The following FHOD3 variants were observed in gnomAD, a reference collection of about 807,000 sequenced individuals.
The protein encoded by FHOD3 is FH1/FH2 domain-containing protein 3.
In FHOD3, 90 loss-of-function variants were observed where a neutral mutation model predicts 173.0. That is an observed-to-expected ratio of 0.52 (90% confidence interval 0.44 to 0.62). The LOEUF is 0.62. FHOD3 is among the 20% of genes least tolerant of loss of function. The probability of loss-of-function intolerance (pLI) is 0.00; values close to 1 mark genes in which losing one functional copy is unlikely to be tolerated. For synonymous variants in FHOD3, 828 were observed against 823.0 expected, an observed-to-expected ratio of 1.01 and a Z score of -0.10; for missense variants, 1,945 against 2,034.7, an observed-to-expected ratio of 0.96 and a Z score of 0.85.
rs2032739010 is a variant in FHOD3, at chr18:36,612,087, A to G, written c.949A>G (p.Ile317Val). The stretch of plus-strand genomic sequence containing the variant: ...CCTGGACTTAGTGGAGCAACTCAAC[A>G]TTTATGAGGTACCAGACCATGCCTT... ...TDLDLVEQLN[I>V]YEVALRHEDG... is the part of the protein sequence containing the mutation. The change falls in exon 9 of 29, where the codon ATT (isoleucine) becomes GTT (valine). Residue 317 changes from isoleucine (I) to valine (V), a missense_variant. Ile to Val is a conservative substitution (Grantham distance 29, BLOSUM62 3). This residue lies in a region of FHOD3 where 1,099 missense variants were observed against 1,051.2 expected (regional missense o/e 1.05). Transcript: ENST00000590592. 8 of 1,613,814 alleles carry G rather than the reference A, an allele frequency of 5.0e-6. No individual in the cohort carries two copies. The highest frequency in any genetic ancestry group is 4.2e-6 in the Non-Finnish European group (5 of 1,179,900).
rs537390184 is a variant in FHOD3, at chr18:36,486,412, G to A, written c.338-15520G>A. Among the ~76,000 whole-genome samples the A allele has an allele frequency of 1.8e-3, 274 of 152,266 alleles. 1 individual carries two copies. The highest frequency in any genetic ancestry group is 6.5e-3 in the African/African-American group (271 of 41,536). On this transcript the variant is annotated intron_variant, in intron 3 of 28. Transcript: ENST00000590592. ...GGGTCTTGCTCTGTCTCCCAGCCTG[G>A]AGTGCAGTAGCACGATTATAGCTTA...
At chr18:36,375,627 G>T (rs1382330712) in intron 3 of FHOD3, among the ~76,000 whole-genome samples, 1 of 152,220 alleles carries the variant, frequency 6.6e-6, no homozygotes, top group African/African-American at 2.4e-5. Flanking sequence ...TGTTAACTTT[G>T]GAATCCAGCA....
At position 36,431,446 on chromosome 18, in the gene FHOD3, A is replaced by C. The variant is rs185411726; in HGVS notation, c.337+58702A>C. On this transcript the variant is annotated intron_variant, in intron 3 of 28. Transcript: ENST00000590592. ...TGTGCAAGCCTGTTTCCATCGGTCA[A>C]GTCTGTCCTGAGGAAGGAGCAGGCC... Among the ~76,000 whole-genome samples the C allele has an allele frequency of 3.7e-3, 558 of 152,328 alleles. 1 individual carries two copies. The highest frequency in any genetic ancestry group is 6.3e-3 in the Non-Finnish European group (428 of 68,030).
intron 1 of FHOD3, among the ~76,000 whole-genome samples, chr18:36,327,535 C>T (rs1393629311): frequency 6.6e-6 from 1 of 152,232 alleles, no homozygotes; most frequent in Non-Finnish European, 1.5e-5. Context: ...TTTCTCACTT[C>T]ACTGATAAAG....
intron 1 of FHOD3, among the ~76,000 whole-genome samples, chr18:36,333,337 C>A (rs1275088201): frequency 6.6e-6 from 1 of 152,166 alleles, no homozygotes; most frequent in Non-Finnish European, 1.5e-5. Context: ...ACTTGACCTG[C>A]CGACATGGAG....
In FHOD3 at chr18:36,305,540, A is replaced by G. The variant is rs568487151; in HGVS notation, c.165+7540A>G. ...CATGCACTGATTTTTATAGCAGAGA[A>G]TGAAATGCCAGAGCTGTAACCAGAG... is the stretch of plus-strand genomic sequence containing the variant. On this transcript the variant is annotated intron_variant, in intron 1 of 28. Transcript: ENST00000590592. Among the ~76,000 whole-genome samples the G allele has an allele frequency of 6.6e-5, 10 of 152,342 alleles. No individual in the cohort carries two copies. The South Asian group carries it at 2.1e-3, about 32-fold the overall frequency.
At chr18:36,776,578 A>G (rs929852870) in intron 28 of FHOD3, among the ~76,000 whole-genome samples, 93 of 152,176 alleles carry the variant, frequency 6.1e-4, no homozygotes, top group African/African-American at 1.9e-3. Flanking sequence ...TATCTAAGAG[A>G]ATTTTTTTCA....
intron 2 of FHOD3, among the ~76,000 whole-genome samples, chr18:36,370,484 C>T (rs1177205950): frequency 7.2e-5 from 11 of 152,044 alleles, no homozygotes; most frequent in Admixed American, 7.2e-4. Context: ...CCTGGAATCC[C>T]AGAGTGACCA....
intron 3 of FHOD3, among the ~76,000 whole-genome samples, chr18:36,435,772 G>A (rs1237114153): frequency 6.6e-6 from 1 of 152,180 alleles, no homozygotes; most frequent in Non-Finnish European, 1.5e-5. Context: ...ATTTCATCAT[G>A]TTGATATGAT....
At chr18:36,390,811 G>A (rs1298916325) in intron 3 of FHOD3, among the ~76,000 whole-genome samples, 1 of 152,166 alleles carries the variant, frequency 6.6e-6, no homozygotes, top group Non-Finnish European at 1.5e-5. Flanking sequence ...CCTTGAAGGG[G>A]AAGTAGGAAG....
At chr18:36,440,475 G>A (rs1336065391) in intron 3 of FHOD3, among the ~76,000 whole-genome samples, 2 of 152,168 alleles carry the variant, frequency 1.3e-5, no homozygotes, top group South Asian at 2.1e-4. Context: ...AGCTGGACGC[G>A]CTGCCCGCCT....
At chr18:36,740,634 C>T in intron 20 of FHOD3, 22 bp from the exon 21 acceptor site, 1 of 1,591,908 alleles carries the variant, frequency 6.3e-7, no homozygotes, top group Non-Finnish European at 8.6e-7. Context: ...AGAAAATATA[C>T]TATATCATCT....
At chr18:36,754,067 G>A (rs1227582283) in intron 24 of FHOD3, among the ~76,000 whole-genome samples, 1 of 152,054 alleles carries the variant, frequency 6.6e-6, no homozygotes, top group Non-Finnish European at 1.5e-5. Context: ...ATCTACTTTG[G>A]TCACTTCTGC....
At chr18:36,710,811 A>T (rs1409150152) in intron 18 of FHOD3, 1 of 152,214 alleles carries the variant, frequency 6.6e-6, no homozygotes, top group Non-Finnish European at 1.5e-5. Flanking sequence ...TAATGTAATT[A>T]TTGTCATAAT....
At chr18:36,536,828 A>G (rs957494616) in intron 5 of FHOD3, among the ~76,000 whole-genome samples, 10 of 152,254 alleles carry the variant, frequency 6.6e-5, no homozygotes, top group Admixed American at 1.3e-4. Flanking sequence ...CCTTGCCCCA[A>G]TACAAATGCC....
At chr18:36,451,868 G>C (rs1406565318) in intron 3 of FHOD3, among the ~76,000 whole-genome samples, 1 of 152,210 alleles carries the variant, frequency 6.6e-6, no homozygotes, top group East Asian at 1.9e-4. Context: ...GTAAGAGGTG[G>C]GTTCTGAGGG....
At chr18:36,484,982 G>T (rs1014962771) in intron 3 of FHOD3, among the ~76,000 whole-genome samples, 1 of 152,162 alleles carries the variant, frequency 6.6e-6, no homozygotes, top group African/African-American at 2.4e-5. Flanking sequence ...CACACAGAGG[G>T]TGTGGTCGAG....
intron 5 of FHOD3, among the ~76,000 whole-genome samples, chr18:36,558,675 G>A (rs1001107246): frequency 1.3e-5 from 2 of 152,232 alleles, no homozygotes; most frequent in South Asian, 2.1e-4. Context: ...AAAAAGGAGA[G>A]GGGTTAAGAT....
chr18:36,660,885 C>T (rs765156308), intron 14 of FHOD3, among the ~76,000 whole-genome samples: 8 of 152,166 alleles, frequency 5.3e-5, no homozygotes, highest in Admixed American at 6.5e-5. Context: ...TCTTACAGTA[C>T]GCTGTTGCTG....
Sources: gnomAD v4.1 joint callset for allele counts (sites outside exome capture counted in the v4.1 genomes callset) on GRCh38, gnomAD v4.1.1 for gene constraint, gnomAD v4.1.1 regional missense constraint, MANE v1.5 for transcripts, NCBI Gene and HGNC (gene_info 2026-07-23, HGNC 2026-07-21) for gene names.